CNTNAP2: variants seen among roughly 807,000 people sequenced by gnomAD.
CNTNAP2 encodes contactin associated protein 2.
CNTNAP2 carries 98 observed loss-of-function variants against 155.2 expected under a neutral mutation model. That is an observed-to-expected ratio of 0.63 (90% confidence interval 0.54 to 0.75). The LOEUF is 0.75. Ranked by LOEUF, CNTNAP2 falls within the 30% of genes least tolerant of loss-of-function variation. The pLI, the probability that CNTNAP2 is intolerant of heterozygous loss-of-function variation, is 0.00. For synonymous variants in CNTNAP2, 651 were observed against 631.2 expected (o/e 1.03, Z -0.47); for missense variants, 1,727 against 1,688.1 (o/e 1.02, Z -0.40).
At chr7:146,670,741 G>A (rs1289465070) in intron 1 of CNTNAP2, among the ~76,000 whole-genome samples, 1 of 152,120 alleles carries the variant, frequency 6.6e-6, no homozygotes, top group African/African-American at 2.4e-5. Context: ...GCCAGAGGGA[G>A]CAGTCCATCT....
chr7:147,849,415 A>G (rs1394193825), intron 13 of CNTNAP2, among the ~76,000 whole-genome samples: 1 of 152,192 alleles, frequency 6.6e-6, no homozygotes, highest in African/African-American at 2.4e-5. Context: ...CACTACAACT[A>G]TTCTTGGTTT....
chr7:147,066,621 G>A (rs1799783683), intron 4 of CNTNAP2, among the ~76,000 whole-genome samples: 2 of 152,094 alleles, frequency 1.3e-5, no homozygotes, highest in Non-Finnish European at 2.9e-5. Flanking sequence ...AGACTCTAAC[G>A]AGTTTTTCTT....
In CNTNAP2 at chr7:147,256,285, T is replaced by A. The variant is rs539373595; in HGVS notation, c.1349-43856T>A. ...AAATGAGATCTTTCGATTCCCAGAG[T>A]GAGAGAGAAAGATGGACACTGTCTT... On this transcript the variant is annotated intron_variant, in intron 8 of 23. Coordinates refer to ENST00000361727, the MANE Select transcript of CNTNAP2 (RefSeq NM_014141.6). Among the ~76,000 whole-genome samples the A allele has an allele frequency of 1.6e-4, 25 of 151,744 alleles. No individual in the cohort carries two copies. In the South Asian group the frequency reaches 5.0e-3, roughly 30 times the overall value.
intron 2 of CNTNAP2, among the ~76,000 whole-genome samples, chr7:146,824,994 T>C (rs1803373314): frequency 6.6e-6 from 1 of 152,036 alleles, no homozygotes; most frequent in African/African-American, 2.4e-5. Flanking sequence ...CATGAAGAAT[T>C]GATATCTCTG....
At chr7:147,980,922 CT>C (rs1801514839) in intron 15 of CNTNAP2, among the ~76,000 whole-genome samples, 1 of 108,292 alleles carries the variant, frequency 9.2e-6, no homozygotes. Context: ...CAGAGCAAGA[CT>C]CCATCTTAAC....
chr7:147,386,296 T>C lies in CNTNAP2; in HGVS notation c.1499-9313T>C, dbSNP rs189362232. Among the ~76,000 whole-genome samples, 7 of 152,316 alleles carry C rather than the reference T, an allele frequency of 4.6e-5. No individual in the cohort carries two copies. In the East Asian group the frequency reaches 1.4e-3, roughly 29 times the overall value. ...TTAACATTTGGATCCTTGTTACTTATGCAAATTTCTGTAGCAGGCTTGAGT... is the reference window on the plus strand; with the variant it reads ...TTAACATTTGGATCCTTGTTACTTACGCAAATTTCTGTAGCAGGCTTGAGT... On this transcript the variant is annotated intron_variant, in intron 9 of 23. Transcript: ENST00000361727.
rs57134961 is a variant in CNTNAP2 at position 148,253,055 on chromosome 7, T to TAGATAGATAGATAGATA, written c.3382-13978_3382-13977insAGATAGATAGATAGATA. On this transcript the variant is annotated intron_variant, in intron 20 of 23. Coordinates refer to ENST00000361727, the MANE Select transcript of CNTNAP2 (RefSeq NM_014141.6). Reference sequence around the variant, plus strand: ...ATAGATAGATAGATAGATAGACAGATGATAGATAGATAGATAGATATTGAT... The same window carrying TAGATAGATAGATAGATA: ...ATAGATAGATAGATAGATAGACAGATAGATAGATAGATAGATAGATAGATAGATAGATAGATATTGAT... Among the ~76,000 whole-genome samples, 106 of 138,794 alleles carry TAGATAGATAGATAGATA rather than the reference T, an allele frequency of 7.6e-4. 1 individual carries two copies. The highest frequency in any genetic ancestry group is 3.5e-3 in the Middle Eastern group (1 of 282). The allele number at this position is 138,794 out of a possible 152,430, so 91.1% of individuals were successfully genotyped here. A position where few individuals can be genotyped will look rare whatever the true frequency, so the allele number is the denominator to read the frequency against.
At chr7:146,527,585 T>G (rs1797709654) in intron 1 of CNTNAP2, among the ~76,000 whole-genome samples, 1 of 152,026 alleles carries the variant, frequency 6.6e-6, no homozygotes, top group Non-Finnish European at 1.5e-5. Flanking sequence ...GATTTCACAT[T>G]AATTTTCTGC....
At chr7:148,003,094 T>C (rs889935983) in intron 15 of CNTNAP2, among the ~76,000 whole-genome samples, 2 of 152,114 alleles carry the variant, frequency 1.3e-5, no homozygotes, top group Admixed American at 6.5e-5. Flanking sequence ...TGGAAAGAAC[T>C]AGTGAGGAAG....
intron 15 of CNTNAP2, among the ~76,000 whole-genome samples, chr7:148,035,016 T>C (rs1275408995): frequency 6.6e-6 from 1 of 152,168 alleles, no homozygotes; most frequent in African/African-American, 2.4e-5. Flanking sequence ...TTAAGAGTAA[T>C]GGACTCGGAT....
chr7:147,168,091 CAT>C (rs779459914), intron 8 of CNTNAP2, among the ~76,000 whole-genome samples: 4 of 148,120 alleles, frequency 2.7e-5, no homozygotes, highest in South Asian at 2.1e-4. Flanking sequence ...ATATATGACA[CAT>C]ATATGTATAA....
intron 11 of CNTNAP2, among the ~76,000 whole-genome samples, chr7:147,506,742 T>G (rs1296154079): frequency 6.6e-6 from 1 of 152,244 alleles, no homozygotes; most frequent in Non-Finnish European, 1.5e-5. Flanking sequence ...CCTGGGCCAC[T>G]AACATCTACC....
At chr7:147,185,509 T>C (rs1464717797) in intron 8 of CNTNAP2, among the ~76,000 whole-genome samples, 1 of 152,134 alleles carries the variant, frequency 6.6e-6, no homozygotes, top group Non-Finnish European at 1.5e-5. Context: ...AGCAGTAGAA[T>C]GCTAAATAAA....
chr7:147,840,512 T>C (rs1320362624), intron 13 of CNTNAP2, among the ~76,000 whole-genome samples: 1 of 151,954 alleles, frequency 6.6e-6, no homozygotes, highest in African/African-American at 2.4e-5. Flanking sequence ...GGAGAGAAAG[T>C]ACAACACTGC....
chr7:147,271,466 C>G (rs141073227), intron 8 of CNTNAP2, among the ~76,000 whole-genome samples: 1,574 of 152,294 alleles, frequency 0.01, 18 homozygotes, highest in Non-Finnish European at 0.015. Flanking sequence ...CCAAACTGCA[C>G]TACACATTAT....
chr7:147,191,685 C>G (rs1276175765), intron 8 of CNTNAP2, among the ~76,000 whole-genome samples: 1 of 152,098 alleles, frequency 6.6e-6, no homozygotes, highest in Admixed American at 6.5e-5. Context: ...ACGGTTAAGT[C>G]TAGGTTTTCT....
At chr7:146,657,187 A>T (rs1800009973) in intron 1 of CNTNAP2, among the ~76,000 whole-genome samples, 1 of 152,160 alleles carries the variant, frequency 6.6e-6, no homozygotes, top group African/African-American at 2.4e-5. Context: ...TTCTAACAAA[A>T]ACTGTTCCTT....
chr7:148,146,881 C>A (rs1357525592), intron 16 of CNTNAP2, among the ~76,000 whole-genome samples: 2 of 152,210 alleles, frequency 1.3e-5, no homozygotes, highest in Non-Finnish European at 2.9e-5. Context: ...GTATAAAGAT[C>A]AATGAAATCA....
chr7:148,188,631 C>T (rs2116713921), intron 18 of CNTNAP2, among the ~76,000 whole-genome samples: 1 of 152,298 alleles, frequency 6.6e-6, no homozygotes, highest in East Asian at 1.9e-4. Flanking sequence ...AAGCTAATGG[C>T]ATTAGTGCTA....
Sources: gnomAD v4.1 joint callset for allele counts (sites outside exome capture counted in the v4.1 genomes callset) on GRCh38, gnomAD v4.1.1 for gene constraint, MANE v1.5 for transcripts, NCBI Gene and HGNC (gene_info 2026-07-23, HGNC 2026-07-21) for gene names.